The following UGT2B7 variants were observed in gnomAD, a reference collection of about 807,000 sequenced individuals.
UGT2B7 encodes the protein UDP glucuronosyltransferase family 2 member B7.
In UGT2B7, 51 loss-of-function variants were observed where a neutral mutation model predicts 51.9. That is an observed-to-expected ratio of 0.98 (90% CI 0.78 to 1.24). The LOEUF is 1.24. UGT2B7 is among the 50% of genes most tolerant of loss of function. The pLI is 0.00. For missense variants in UGT2B7, 727 were observed against 628.4 expected (o/e 1.16, Z -1.68); for synonymous variants, 225 against 211.6 (o/e 1.06, Z -0.55).
In UGT2B7 at chr4:69,083,209, T is replaced by C. The variant is rs1718875454; in HGVS notation, c.-158-6263T>C. 2.0e-5 allele frequency among the ~76,000 whole-genome samples: 3 copies of C among 152,134 alleles called. No homozygotes were observed. The South Asian group carries it at 6.2e-4, about 31-fold the overall frequency. The stretch of plus-strand genomic sequence containing the variant: ...ACACCCAAAAGTTCTGATAGGAATG[T>C]ACAAAGAGATTAATGTTGTTTTCAT... On this transcript the variant is annotated intron_variant, in intron 1 of 5. Transcript: ENST00000502942.
chr4:69,108,030 A>G, intron 4 of UGT2B7, 73 bp from the exon 5 acceptor site: 1 of 1,545,376 alleles, frequency 6.5e-7, no homozygotes, highest in Admixed American at 1.8e-5. Flanking sequence ...AAACACTGTC[A>G]CTTTCAGAGC....
intron 2 of UGT2B7, among the ~76,000 whole-genome samples, chr4:69,101,015 T>C (rs1186709850): frequency 6.6e-6 from 1 of 152,052 alleles, no homozygotes; most frequent in African/African-American, 2.4e-5. Context: ...ATTCATAAAA[T>C]TAACATTGGA....
chr4:69,064,352 T>C (rs1259160181), intron 1 of UGT2B7, among the ~76,000 whole-genome samples: 1 of 152,240 alleles, frequency 6.6e-6, no homozygotes, highest in Admixed American at 6.5e-5. Flanking sequence ...GGTATGACTT[T>C]ATAGATTCTT....
intron 1 of UGT2B7, among the ~76,000 whole-genome samples, chr4:69,067,980 C>G (rs1718517965): frequency 6.6e-6 from 1 of 151,970 alleles, no homozygotes; most frequent in Non-Finnish European, 1.5e-5. Context: ...CTTATGTTGT[C>G]TTTCAGAATG....
At chr4:69,064,072 GAAAGAAAGAA>G (rs1457880823) in intron 1 of UGT2B7, among the ~76,000 whole-genome samples, 25 of 104,824 alleles carry the variant, frequency 2.4e-4, no homozygotes, top group African/African-American at 1.2e-3. Flanking sequence ...AAGAAAGAAA[GAAAGAAAGAA>G]AGAAAGAAAG....
chr4:69,055,151 T>G (rs1329622634), intron 1 of UGT2B7, among the ~76,000 whole-genome samples: 1 of 131,062 alleles, frequency 7.6e-6, no homozygotes, highest in Non-Finnish European at 1.6e-5. Context: ...AACGTAATCT[T>G]AAAATTTGGC....
At chr4:69,075,820 T>C (rs574481280) in intron 1 of UGT2B7, among the ~76,000 whole-genome samples, 32 of 152,314 alleles carry the variant, frequency 2.1e-4, no homozygotes, top group African/African-American at 6.5e-4. Context: ...GGGCTACATG[T>C]GCAAAATGTG....
At chr4:69,057,799 G>T (rs991721467) in intron 1 of UGT2B7, among the ~76,000 whole-genome samples, 2 of 152,202 alleles carry the variant, frequency 1.3e-5, no homozygotes, top group East Asian at 3.9e-4. Flanking sequence ...TGGTGGAGGG[G>T]GTGGTGGTTA....
intron 1 of UGT2B7, among the ~76,000 whole-genome samples, chr4:69,068,115 A>G (rs560113264): frequency 6.6e-6 from 1 of 152,184 alleles, no homozygotes; most frequent in East Asian, 1.9e-4. Flanking sequence ...CATATTCATG[A>G]TCTCATATTA....
chr4:69,087,723 A>ATT (rs35783431), intron 1 of UGT2B7, among the ~76,000 whole-genome samples: 2 of 151,464 alleles, frequency 1.3e-5, no homozygotes, highest in East Asian at 3.9e-4. Flanking sequence ...TGCATGGCAG[A>ATT]TTTTTTTCAG....
intron 1 of UGT2B7, 33 bp downstream of exon 1, chr4:69,097,274 T>C (rs770903618): frequency 6.3e-7 from 1 of 1,587,642 alleles, no homozygotes; most frequent in Admixed American, 1.9e-5. Context: ...AACATGAAGC[T>C]CTAACTTATT....
At chr4:69,106,859 C>CT (rs5859161) in intron 3 of UGT2B7, among the ~76,000 whole-genome samples, 29,077 of 143,074 alleles carry the variant, frequency 0.2, 2,962 homozygotes, top group East Asian at 0.27. Context: ...AAGCTTTTTT[C>CT]TTTTTTTTTT....
intron 1 of UGT2B7, among the ~76,000 whole-genome samples, chr4:69,069,102 TAAA>T (rs372073567): frequency 1.4e-5 from 2 of 140,386 alleles, no homozygotes; most frequent in Non-Finnish European, 1.6e-5. Flanking sequence ...ACAGATACTT[TAAA>T]AAAAAAAAAA....
intron 1 of UGT2B7, among the ~76,000 whole-genome samples, chr4:69,056,396 G>A (rs531646834): frequency 6.6e-5 from 10 of 152,158 alleles, no homozygotes; most frequent in Admixed American, 6.5e-5. Flanking sequence ...TGAGAAATGC[G>A]ATCTATCAAA....
chr4:69,072,582 T>C (rs1180290007), intron 1 of UGT2B7, among the ~76,000 whole-genome samples: 1 of 152,232 alleles, frequency 6.6e-6, no homozygotes, highest in East Asian at 1.9e-4. Flanking sequence ...TCTTGAAGTA[T>C]ATTCTTTAAT....
intron 1 of UGT2B7, among the ~76,000 whole-genome samples, chr4:69,077,378 A>G (rs1176060888): frequency 1.3e-5 from 2 of 152,054 alleles, no homozygotes; most frequent in African/African-American, 2.4e-5. Flanking sequence ...TTTTGTCAGT[A>G]TGGCCATTTT....
chr4:69,072,618 C>G (rs1718624636), intron 1 of UGT2B7, among the ~76,000 whole-genome samples: 1 of 152,062 alleles, frequency 6.6e-6, no homozygotes, highest in African/African-American at 2.4e-5. Context: ...CTTTAACATA[C>G]AAATTCTTAA....
At chr4:69,065,541 G>A (rs1476440409) in intron 1 of UGT2B7, among the ~76,000 whole-genome samples, 1 of 152,100 alleles carries the variant, frequency 6.6e-6, no homozygotes, top group Non-Finnish European at 1.5e-5. Flanking sequence ...TAGTAAATGT[G>A]CTAATATTCT....
At chr4:69,090,469 A>G (rs1374341945) in intron 2 of UGT2B7, among the ~76,000 whole-genome samples, 1 of 98,626 alleles carries the variant, frequency 1.0e-5, no homozygotes, top group Non-Finnish European at 1.9e-5. Context: ...TTCTTTTTTA[A>G]TTAAAAATAA....
Sources: gnomAD v4.1 joint callset for allele counts (sites outside exome capture counted in the v4.1 genomes callset) on GRCh38, gnomAD v4.1.1 for gene constraint, MANE v1.5 for transcripts, NCBI Gene and HGNC (gene_info 2026-07-23, HGNC 2026-07-21) for gene names.